The following BIRC6 variants were observed in gnomAD, a reference collection of about 807,000 sequenced individuals.
BIRC6 encodes the protein baculoviral IAP repeat containing 6.
A neutral mutation model predicts 503.3 loss-of-function variants in BIRC6; 98 were observed. The ratio of observed to expected loss-of-function variants is 0.19; its 90% CI spans 0.17 to 0.23. The LOEUF is 0.23. Ranked by LOEUF, BIRC6 falls within the 10% of genes least tolerant of loss-of-function variation. The probability of loss-of-function intolerance (pLI) is 1.00; values close to 1 mark genes in which losing one functional copy is unlikely to be tolerated. For synonymous variants in BIRC6, 2,240 were observed against 2,078.7 expected (o/e 1.08, Z -2.11); for missense variants, 5,360 against 5,806.0 (o/e 0.92, Z 2.50).
chr2:32,516,199 T>G (rs2055017617), intron 55 of BIRC6, among the ~76,000 whole-genome samples: 1 of 152,148 alleles, frequency 6.6e-6, no homozygotes, highest in Non-Finnish European at 1.5e-5. Context: ...GATAGGAGAC[T>G]CCACATAAAT....
chr2:32,391,990 C>A, intron 4 of BIRC6, 49 bp from the exon 5 acceptor site: 1 of 1,240,996 alleles, frequency 8.1e-7, no homozygotes, highest in Non-Finnish European at 1.1e-6. Flanking sequence ...AGAAGTTTCA[C>A]TGTGATTTGA....
chr2:32,612,918 A>G (rs1469123991), intron 73 of BIRC6, among the ~76,000 whole-genome samples: 1 of 152,206 alleles, frequency 6.6e-6, no homozygotes, highest in African/African-American at 2.4e-5. Context: ...CCGTCAGACT[A>G]TAGCAGTTGA....
chr2:32,496,435 GCTGGT>G, intron 45 of BIRC6, among the ~76,000 whole-genome samples: 1 of 152,032 alleles, frequency 6.6e-6, no homozygotes. Flanking sequence ...TGTTGGCCAG[GCTGGT>G]CTCAAACTCC....
chr2:32,444,579 G>C (rs1214275677), intron 20 of BIRC6, among the ~76,000 whole-genome samples: 3 of 150,836 alleles, frequency 2.0e-5, no homozygotes, highest in Non-Finnish European at 4.4e-5. Context: ...TTCACAATCT[G>C]TTTTATTAAA....
At chr2:32,508,281 T>TCC in intron 51 of BIRC6, 22 bp downstream of exon 51, 2 of 740,944 alleles carry the variant, frequency 2.7e-6, no homozygotes, top group Non-Finnish European at 3.6e-6. Flanking sequence ...TTGTCCTTTT[T>TCC]TTTTTTTTTT....
chr2:32,432,727 T>C (rs1020908023), intron 12 of BIRC6, among the ~76,000 whole-genome samples: 14 of 150,962 alleles, frequency 9.3e-5, no homozygotes, highest in African/African-American at 3.4e-4. Flanking sequence ...GCCACTGTAC[T>C]CTGGCCTGGG....
At chr2:32,586,945 TAA>T (rs1487917436) in intron 66 of BIRC6, among the ~76,000 whole-genome samples, 1 of 152,228 alleles carries the variant, frequency 6.6e-6, no homozygotes, top group Non-Finnish European at 1.5e-5. Context: ...ATAGCTATGA[TAA>T]GAACTCATAC....
intron 10 of BIRC6, among the ~76,000 whole-genome samples, chr2:32,425,341 T>C (rs116219703): frequency 6.6e-6 from 1 of 152,160 alleles, no homozygotes; most frequent in Non-Finnish European, 1.5e-5. Flanking sequence ...CATTGTTCCC[T>C]TTAGCTAATT....
chr2:32,558,115 C>A (rs940139665), intron 65 of BIRC6, among the ~76,000 whole-genome samples: 1 of 151,952 alleles, frequency 6.6e-6, no homozygotes, highest in Non-Finnish European at 1.5e-5. Context: ...AGTCTGTTAA[C>A]GTGTTGGAAA....
At chr2:32,490,587 T>A (rs1400624959) in intron 43 of BIRC6, among the ~76,000 whole-genome samples, 3 of 152,180 alleles carry the variant, frequency 2.0e-5, no homozygotes, top group African/African-American at 7.2e-5. Flanking sequence ...GAATTAGTTC[T>A]TATATATCCT....
At chr2:32,505,339 T>C (rs1231184895) in intron 50 of BIRC6, 134 bp downstream of exon 50, 6 of 702,082 alleles carry the variant, frequency 8.5e-6, no homozygotes, top group East Asian at 5.5e-5. Flanking sequence ...ACAGTTTTTA[T>C]TGAAATAATT....
chr2:32,583,813 C>T (rs771453977), intron 66 of BIRC6, among the ~76,000 whole-genome samples: 3 of 152,178 alleles, frequency 2.0e-5, no homozygotes, highest in Non-Finnish European at 2.9e-5. Flanking sequence ...TCACTGCAGC[C>T]TCCACCTCCT....
intron 1 of BIRC6, among the ~76,000 whole-genome samples, chr2:32,368,940 C>G (rs559776323): frequency 6.6e-6 from 1 of 152,284 alleles, no homozygotes; most frequent in East Asian, 1.9e-4. Context: ...GTGTGAGCCA[C>G]TGTGTCATTA....
At chr2:32,580,512 G>A (rs1053356930) in intron 66 of BIRC6, among the ~76,000 whole-genome samples, 4 of 152,078 alleles carry the variant, frequency 2.6e-5, no homozygotes, top group Non-Finnish European at 5.9e-5. Flanking sequence ...GGTAGTGGTG[G>A]GAGATGAGCC....
intron 10 of BIRC6, among the ~76,000 whole-genome samples, chr2:32,418,075 C>T (rs565395110): frequency 6.6e-6 from 1 of 152,286 alleles, no homozygotes; most frequent in East Asian, 1.9e-4. Flanking sequence ...CCACTGTACC[C>T]AGTGAAATTT....
chr2:32,432,795 A>G (rs1474720969), intron 12 of BIRC6, among the ~76,000 whole-genome samples: 4 of 151,200 alleles, frequency 2.6e-5, no homozygotes, highest in Admixed American at 2.6e-4. Context: ...GCTACGTGAG[A>G]TGGGAAAGTG....
Position 32,448,890 on chromosome 2 carries a change from T to C in BIRC6, c.4580T>C (p.Val1527Ala). ...CKNVYNSSIG[V>A]QSDEIDLSDV... Reference sequence around the variant, plus strand: ...AATGTTTATAACAGCAGCATTGGTGTCCAGTCAGATGAAATTGATTTATCA... The same window carrying C: ...AATGTTTATAACAGCAGCATTGGTGCCCAGTCAGATGAAATTGATTTATCA... Residue 1527 changes from valine (V) to alanine (A), a missense_variant, in exon 22 of 74, where the codon GTC becomes GCC. Transcript: ENST00000421745. 1.2e-6 allele frequency: 2 copies of C among 1,613,482 alleles called. No homozygotes were observed. The highest frequency in any genetic ancestry group is 1.7e-6 in the Non-Finnish European group (2 of 1,179,646).
chr2:32,552,510 G>A (rs1231617423), intron 65 of BIRC6, among the ~76,000 whole-genome samples: 1 of 152,128 alleles, frequency 6.6e-6, no homozygotes, highest in Admixed American at 6.5e-5. Flanking sequence ...AGAGAATATT[G>A]TTAGTTGTAA....
chr2:32,441,271 G>T, intron 16 of BIRC6, 58 bp from the exon 17 acceptor site: 1 of 1,232,354 alleles, frequency 8.1e-7, no homozygotes, highest in South Asian at 1.5e-5. Context: ...AACTTCAATG[G>T]TAAATGATTT....
Sources: gnomAD v4.1 joint callset for allele counts (sites outside exome capture counted in the v4.1 genomes callset) on GRCh38, gnomAD v4.1.1 for gene constraint, MANE v1.5 for transcripts, NCBI Gene and HGNC (gene_info 2026-07-23, HGNC 2026-07-21) for gene names.